The following RNGTT variants were observed in gnomAD, a reference collection of about 807,000 sequenced individuals.
The protein encoded by RNGTT is RNA guanylyltransferase and 5'-phosphatase, also known as mRNA-capping enzyme.
Under a neutral mutation model 79.3 loss-of-function variants are expected in RNGTT, and 33 were observed. The observed-to-expected ratio is 0.42, with a 90% confidence interval of 0.32 to 0.56. The LOEUF (loss-of-function observed/expected upper bound fraction) is 0.56, where lower values mean the gene tolerates loss of function less well. Ranked by LOEUF, RNGTT falls within the 20% of genes least tolerant of loss-of-function variation. The probability of loss-of-function intolerance (pLI) is 0.17; values close to 1 mark genes in which losing one functional copy is unlikely to be tolerated. For synonymous variants in RNGTT, 222 were observed against 235.9 expected (o/e 0.94, Z 0.54); for missense variants, 497 against 739.1 (o/e 0.67, Z 3.80).
At chr6:88,906,328 A>C in intron 5 of RNGTT, 37 bp downstream of exon 5, 2 of 1,371,358 alleles carry the variant, frequency 1.5e-6, no homozygotes, top group Non-Finnish European at 2.0e-6. Context: ...ATTTTTTATT[A>C]CAAAATACAT....
At chr6:88,710,425 A>G (rs1776279113) in intron 13 of RNGTT, among the ~76,000 whole-genome samples, 1 of 152,256 alleles carries the variant, frequency 6.6e-6, no homozygotes, top group South Asian at 2.1e-4. Flanking sequence ...TACTAAAGAA[A>G]GGGAACGAAA....
intron 12 of RNGTT, among the ~76,000 whole-genome samples, chr6:88,784,056 T>G (rs1438574062): frequency 2.6e-5 from 4 of 152,158 alleles, no homozygotes; most frequent in Middle Eastern, 3.4e-3. Context: ...AAGTTCAGAG[T>G]GCTATAATAG....
chr6:88,627,538 G>C (rs1772678890), intron 14 of RNGTT, among the ~76,000 whole-genome samples: 1 of 152,050 alleles, frequency 6.6e-6, no homozygotes, highest in South Asian at 2.1e-4. Context: ...GACCTCAAGA[G>C]AACTGTCCTC....
intron 13 of RNGTT, among the ~76,000 whole-genome samples, chr6:88,750,339 T>G (rs1004115435): frequency 5.3e-5 from 8 of 152,198 alleles, no homozygotes; most frequent in Admixed American, 5.2e-4. Context: ...GGCTACCACA[T>G]TAGTCCAGGC....
At chr6:88,652,832 C>A (rs1380668781) in intron 14 of RNGTT, among the ~76,000 whole-genome samples, 1 of 152,062 alleles carries the variant, frequency 6.6e-6, no homozygotes, top group Non-Finnish European at 1.5e-5. Context: ...GTTGTGCCTG[C>A]ATTTAGGGTA....
chr6:88,639,612 T>G (rs1773232697), intron 14 of RNGTT, among the ~76,000 whole-genome samples: 1 of 152,230 alleles, frequency 6.6e-6, no homozygotes. Context: ...CTCTCTGCTT[T>G]GTAGCTATTT....
chr6:88,794,954 A>G (rs1779545607), intron 12 of RNGTT, among the ~76,000 whole-genome samples: 2 of 152,306 alleles, frequency 1.3e-5, no homozygotes, highest in East Asian at 3.9e-4. Context: ...TCAGAATGAG[A>G]ACAGCTGCTA....
chr6:88,753,510 A>C (rs868647386), intron 13 of RNGTT, among the ~76,000 whole-genome samples: 4 of 152,154 alleles, frequency 2.6e-5, no homozygotes, highest in South Asian at 2.1e-4. Context: ...GTCTCAAAAA[A>C]AAAAAAAATT....
intron 13 of RNGTT, among the ~76,000 whole-genome samples, chr6:88,735,207 A>ATC (rs1777244601): frequency 6.6e-6 from 1 of 152,162 alleles, no homozygotes; most frequent in Non-Finnish European, 1.5e-5. Context: ...GAATTAAAAG[A>ATC]GAAGCAAATC....
At chr6:88,900,663 G>A (rs1180256558) in intron 6 of RNGTT, among the ~76,000 whole-genome samples, 1 of 151,606 alleles carries the variant, frequency 6.6e-6, no homozygotes, top group Non-Finnish European at 1.5e-5. Flanking sequence ...GAACCCAGGA[G>A]GCAGAGGTTG....
At chr6:88,615,926 A>C (rs2756368) in intron 14 of RNGTT, among the ~76,000 whole-genome samples, 32,938 of 152,080 alleles carry the variant, frequency 0.22, 4,128 homozygotes, top group African/African-American at 0.35. Flanking sequence ...CAGTTCAGCA[A>C]TGCTAAGTGT....
At chr6:88,662,370 T>C (rs2756392) in intron 14 of RNGTT, among the ~76,000 whole-genome samples, 40,361 of 152,204 alleles carry the variant, frequency 0.27, 9,346 homozygotes, top group African/African-American at 0.63. Context: ...CCCCCATCAC[T>C]GATGCATGTA....
At chr6:88,698,333 G>A in intron 13 of RNGTT, among the ~76,000 whole-genome samples, 1 of 138,362 alleles carries the variant, frequency 7.2e-6, no homozygotes, top group Non-Finnish European at 1.5e-5. Flanking sequence ...TATGAATTTT[G>A]GTAGGTATTG....
At chr6:88,651,987 G>A (rs969707240) in intron 14 of RNGTT, among the ~76,000 whole-genome samples, 1 of 152,080 alleles carries the variant, frequency 6.6e-6, no homozygotes, top group Admixed American at 6.5e-5. Flanking sequence ...TGTGTTCACT[G>A]TTAATATTTT....
intron 13 of RNGTT, among the ~76,000 whole-genome samples, chr6:88,767,369 C>A (rs1778496204): frequency 6.6e-6 from 1 of 151,970 alleles, no homozygotes; most frequent in African/African-American, 2.4e-5. Context: ...AACTACTAAA[C>A]TGAATTACAT....
intron 13 of RNGTT, among the ~76,000 whole-genome samples, chr6:88,749,978 A>C (rs1242978414): frequency 6.6e-6 from 1 of 152,112 alleles, no homozygotes; most frequent in Non-Finnish European, 1.5e-5. Flanking sequence ...CTCTGCCTCC[A>C]TAGTCACAAG....
chr6:88,695,097 T>C (rs962616895), intron 13 of RNGTT, among the ~76,000 whole-genome samples: 3 of 152,092 alleles, frequency 2.0e-5, no homozygotes, highest in South Asian at 2.1e-4. Context: ...CTACATAACA[T>C]TGGTCTGGGC....
chr6:88,612,787 G>A lies in RNGTT; in HGVS notation c.1726C>T (p.His576Tyr), dbSNP rs201588734. The stretch of plus-strand genomic sequence containing the variant: ...AGCTCCGTGTCAGGGTCCAGATGAT[G>A]TTTTCGCTTCTGTCCTTGAGAAGCT... ...TAASQGQKRK[H>Y]HLDPDTELMP... Residue 576 changes from histidine to tyrosine, a missense_variant, in exon 16 of 16, where the codon CAT becomes TAT. His to Tyr is a moderately conservative substitution (Grantham distance 83). Coordinates refer to ENST00000369485, the MANE Select transcript of RNGTT (RefSeq NM_003800.5). The A allele has an allele frequency of 5.8e-5, 94 of 1,613,390 alleles. No individual in the cohort carries two copies. Among genetic ancestry groups the A allele is most frequent in the Non-Finnish European group, 5.9e-5 (70 of 1,179,940 alleles).
At chr6:88,704,266 A>ACAAAAAAAC (rs1263840813) in intron 13 of RNGTT, among the ~76,000 whole-genome samples, 1 of 126,756 alleles carries the variant, frequency 7.9e-6, no homozygotes, top group African/African-American at 3.2e-5. Context: ...TCTCAAAAAA[A>ACAAAAAAAC]AAAAAAAAAA....
Sources: gnomAD v4.1 joint callset for allele counts (sites outside exome capture counted in the v4.1 genomes callset) on GRCh38, gnomAD v4.1.1 for gene constraint, MANE v1.5 for transcripts, NCBI Gene and HGNC (gene_info 2026-07-23, HGNC 2026-07-21) for gene names.